AKT3: variants seen among roughly 807,000 people sequenced by gnomAD.
AKT3 encodes the protein RAC-gamma serine/threonine-protein kinase.
AKT3 carries 15 observed loss-of-function variants against 65.3 expected under a neutral mutation model. That is an observed-to-expected ratio of 0.23 (90% CI 0.15 to 0.35). The LOEUF is 0.35. Ranked by LOEUF, AKT3 falls within the 10% of genes least tolerant of loss-of-function variation. AKT3 has a pLI of 1.00. For missense variants in AKT3, 243 were observed against 576.5 expected (o/e 0.42, Z 5.92); for synonymous variants, 206 against 183.8 (o/e 1.12, Z -0.98).
chr1:243,839,351 TAGTA>T (rs1312800516), intron 2 of AKT3, among the ~76,000 whole-genome samples: 7 of 152,200 alleles, frequency 4.6e-5, no homozygotes, highest in Admixed American at 1.3e-4. Flanking sequence ...TAAGATCATT[TAGTA>T]AGTATTTAAT....
rs561166742 is a variant in AKT3 at position 243,797,887 on chromosome 1, CTTTTT to C, written c.46+45233_46+45237del. On this transcript the variant is annotated intron_variant, in intron 2 of 13. Transcript: ENST00000673466. ...AAAAAAAAACCAAAAAACAGTTTTT[CTTTTT>C]TTTTTTTTGAGATGGAGTCTCACTC... Among the ~76,000 whole-genome samples the C allele has an allele frequency of 7.8e-4, 111 of 141,650 alleles. 2 individuals carry two copies. The South Asian group carries it at 0.024, about 31-fold the overall frequency. 92.9% of individuals were successfully genotyped at this position (141,650 alleles called of 152,430 possible). A position where few individuals can be genotyped will look rare whatever the true frequency, so the allele number is the denominator to read the frequency against.
intron 11 of AKT3, among the ~76,000 whole-genome samples, chr1:243,550,753 G>A (rs1672995768): frequency 8.1e-6 from 1 of 123,122 alleles, no homozygotes; most frequent in Non-Finnish European, 1.6e-5. Context: ...AGACCATCCT[G>A]GCCAACATGG....
chr1:243,628,568 G>C (rs1679360977), intron 6 of AKT3, among the ~76,000 whole-genome samples: 1 of 152,162 alleles, frequency 6.6e-6, no homozygotes. Flanking sequence ...GCCTCCCAAA[G>C]TGTTGAGACT....
At chr1:243,825,055 T>C (rs894063204) in intron 2 of AKT3, among the ~76,000 whole-genome samples, 42 of 152,308 alleles carry the variant, frequency 2.8e-4, no homozygotes, top group African/African-American at 9.1e-4. Context: ...ATATACACCA[T>C]GGAATACTAT....
At chr1:243,781,335 T>C (rs1222795379) in intron 2 of AKT3, among the ~76,000 whole-genome samples, 1 of 152,180 alleles carries the variant, frequency 6.6e-6, no homozygotes, top group Non-Finnish European at 1.5e-5. Flanking sequence ...ACTTTTTTCA[T>C]TTCATATACA....
chr1:243,650,470 A>C (rs1681223301), intron 4 of AKT3, among the ~76,000 whole-genome samples: 1 of 152,204 alleles, frequency 6.6e-6, no homozygotes, highest in Admixed American at 6.5e-5. Flanking sequence ...TTTAGACATG[A>C]AGTCTTTGCC....
At chr1:243,755,980 T>C (rs1342060146) in intron 2 of AKT3, among the ~76,000 whole-genome samples, 1 of 152,182 alleles carries the variant, frequency 6.6e-6, no homozygotes, top group Non-Finnish European at 1.5e-5. Context: ...CAAGAAGTAG[T>C]GGCCAGCATG....
At chr1:243,733,660 G>T (rs1376410855) in intron 2 of AKT3, among the ~76,000 whole-genome samples, 2 of 152,074 alleles carry the variant, frequency 1.3e-5, no homozygotes, top group African/African-American at 2.4e-5. Context: ...AATAAATATG[G>T]CAATAAAACA....
intron 3 of AKT3, among the ~76,000 whole-genome samples, chr1:243,693,242 TGATATATA>T (rs1269019886): frequency 0.023 from 1,375 of 59,932 alleles, 218 homozygotes; most frequent in East Asian, 0.03. Flanking sequence ...AGCTACAATT[TGATATATA>T]TATATATATA....
intron 4 of AKT3, among the ~76,000 whole-genome samples, chr1:243,658,026 G>GA (rs913760256): frequency 3.9e-5 from 6 of 152,020 alleles, no homozygotes; most frequent in African/African-American, 7.2e-5. Context: ...AAACTCCTAG[G>GA]AAAAAACCAC....
At chr1:243,624,238 T>C (rs1452189294) in intron 6 of AKT3, among the ~76,000 whole-genome samples, 1 of 152,186 alleles carries the variant, frequency 6.6e-6, no homozygotes, top group Non-Finnish European at 1.5e-5. Flanking sequence ...TACTGTGCTG[T>C]TACTACATAT....
chr1:243,636,701 A>G (rs895292948), intron 6 of AKT3, among the ~76,000 whole-genome samples: 1 of 151,998 alleles, frequency 6.6e-6, no homozygotes, highest in Non-Finnish European at 1.5e-5. Flanking sequence ...AACATTTCCA[A>G]ATGCCCCTAA....
intron 2 of AKT3, among the ~76,000 whole-genome samples, chr1:243,730,744 C>T (rs1687507910): frequency 6.6e-6 from 1 of 152,236 alleles, no homozygotes; most frequent in African/African-American, 2.4e-5. Context: ...ACGCCTGACC[C>T]ACTCCTTGAG....
At chr1:243,835,935 G>A (rs578103061) in intron 2 of AKT3, among the ~76,000 whole-genome samples, 37 of 151,994 alleles carry the variant, frequency 2.4e-4, no homozygotes, top group African/African-American at 8.0e-4. Context: ...GCCAATAGGA[G>A]AGATAAAATA....
At chr1:243,803,669 C>G (rs1692523518) in intron 2 of AKT3, among the ~76,000 whole-genome samples, 1 of 151,048 alleles carries the variant, frequency 6.6e-6, no homozygotes, top group African/African-American at 2.4e-5. Flanking sequence ...CACACACACA[C>G]ACACACACAC....
intron 8 of AKT3, among the ~76,000 whole-genome samples, chr1:243,608,432 T>C (rs1189558080): frequency 2.0e-5 from 3 of 152,122 alleles, no homozygotes; most frequent in African/African-American, 4.8e-5. Context: ...TGAGTAAAAA[T>C]TGGGCTAGTT....
At chr1:243,656,987 C>G (rs1196120799) in intron 4 of AKT3, among the ~76,000 whole-genome samples, 1 of 152,094 alleles carries the variant, frequency 6.6e-6, no homozygotes, top group Non-Finnish European at 1.5e-5. Context: ...TTAAAACACA[C>G]AGAAATAATA....
chr1:243,662,585 T>C (rs1048732484), intron 4 of AKT3, among the ~76,000 whole-genome samples: 12 of 146,450 alleles, frequency 8.2e-5, no homozygotes, highest in East Asian at 2.1e-4. Flanking sequence ...AGGGATAGCA[T>C]TGGGAGATAT....
intron 1 of AKT3, among the ~76,000 whole-genome samples, chr1:243,846,278 T>C (rs1305536499): frequency 6.6e-6 from 1 of 152,154 alleles, no homozygotes; most frequent in East Asian, 1.9e-4. Flanking sequence ...CCAATATACA[T>C]GTAAAATCCT....
Sources: allele counts gnomAD v4.1 joint callset (sites outside exome capture counted in the v4.1 genomes callset), GRCh38; gene constraint gnomAD v4.1.1; transcripts MANE v1.5; gene names NCBI Gene and HGNC (gene_info 2026-07-23, HGNC 2026-07-21).